The following DBH variants were observed in gnomAD, a reference collection of about 807,000 sequenced individuals.
DBH encodes the protein dopamine beta-hydroxylase.
DBH carries 49 observed loss-of-function variants against 64.0 expected under a neutral mutation model. That is an observed-to-expected ratio of 0.77 (90% CI 0.61 to 0.97). The LOEUF is 0.97. Among genes scored for constraint, DBH ranks in the 50% least tolerant of loss-of-function variants. The pLI is 0.00. For missense variants in DBH, 828 were observed against 826.6 expected (o/e 1.00, Z -0.02); for synonymous variants, 343 against 347.1 (o/e 0.99, Z 0.13).
rs1832340920 is a variant in DBH at position 133,657,424 on chromosome 9, G to GA, written c.1722+195_1722+196insA. The GA allele has an allele frequency of 6.4e-5, 29 of 454,428 alleles. 1 individual carries two copies. Among genetic ancestry groups the GA allele is most frequent in the Non-Finnish European group, 1.0e-4 (26 of 254,816 alleles). The allele number at this position is 454,428 out of a possible 1,614,324, so 28.1% of individuals were successfully genotyped here. A position where few individuals can be genotyped will look rare whatever the true frequency, so the allele number is the denominator to read the frequency against. On this transcript the variant is annotated intron_variant, in intron 11 of 11. Transcript: ENST00000393056. ...AGAGAGAGAGGAGAGAGGAGAGAGAGGAGAGAGAGGAGAGAGAGGAGAGAG... is the reference window on the plus strand; with the variant it reads ...AGAGAGAGAGGAGAGAGGAGAGAGAGAGAGAGAGAGGAGAGAGAGGAGAGAG...
chr9:133,641,182 T>C (rs568109363), intron 2 of DBH, among the ~76,000 whole-genome samples: 1 of 152,238 alleles, frequency 6.6e-6, no homozygotes, highest in African/African-American at 2.4e-5. Flanking sequence ...AATAGACAAA[T>C]ACGGAATCTA....
chr9:133,636,543 T>C lies in DBH; in HGVS notation c.172T>C (p.Ser58Pro). The C allele has an allele frequency of 6.2e-7, 1 of 1,613,428 alleles. No individual in the cohort carries two copies. Among genetic ancestry groups the C allele is most frequent in the South Asian group, 1.1e-5 (1 of 91,060 alleles). Residue 58 changes from serine (S) to proline (P), a missense_variant, in exon 1 of 12, where the codon TCC becomes CCC. Ser to Pro is a moderately conservative substitution (Grantham distance 74, BLOSUM62 -1). Transcript: ENST00000393056. ...TCACATCCCCCTGGACCCGGAGGGGTCCCTGGAGCTCTCATGGAATGTCAG... is the reference window on the plus strand; with the variant it reads ...TCACATCCCCCTGGACCCGGAGGGGCCCCTGGAGCTCTCATGGAATGTCAG... Reference protein sequence around the residue: ...PYHIPLDPEGSLELSWNVSYT... With the variant: ...PYHIPLDPEGPLELSWNVSYT...
intron 6 of DBH, among the ~76,000 whole-genome samples, chr9:133,649,267 T>C (rs1238199121): frequency 6.6e-6 from 1 of 152,210 alleles, no homozygotes; most frequent in Non-Finnish European, 1.5e-5. Flanking sequence ...ATGGATGTTA[T>C]TTCATAGTTT....
chr9:133,653,341 G>A (rs1348004851), intron 9 of DBH, among the ~76,000 whole-genome samples: 3 of 152,306 alleles, frequency 2.0e-5, no homozygotes, highest in Admixed American at 6.5e-5. Context: ...GGTGTGGGGA[G>A]AAGCTGTAGG....
At chr9:133,652,738 G>A (rs887642496) in intron 8 of DBH, among the ~76,000 whole-genome samples, 8 of 152,132 alleles carry the variant, frequency 5.3e-5, no homozygotes, top group African/African-American at 1.9e-4. Flanking sequence ...GGTCACAGGA[G>A]CTGATGGTTT....
At chr9:133,637,599 G>T (rs1490235586) in intron 1 of DBH, among the ~76,000 whole-genome samples, 1 of 152,230 alleles carries the variant, frequency 6.6e-6, no homozygotes, top group Non-Finnish European at 1.5e-5. Flanking sequence ...GAGCTGGAGC[G>T]GGGGAGCTGT....
At chr9:133,651,556 C>A in intron 6 of DBH, 78 bp from the exon 7 acceptor site, 1 of 1,585,996 alleles carries the variant, frequency 6.3e-7, no homozygotes, top group Non-Finnish European at 8.6e-7. Context: ...GGTGGCTGCT[C>A]CCTACCGGGT....
rs1033059045 is a variant in DBH at position 133,656,932 on chromosome 9, G to A, written c.1563-138G>A. 10 of 1,059,240 alleles carry A rather than the reference G, an allele frequency of 9.4e-6. No individual in the cohort carries two copies. The African/African-American group carries it at 1.1e-4, about 12-fold the overall frequency. The allele number at this position is 1,059,240 out of a possible 1,614,324, so 65.6% of individuals were successfully genotyped here. A position where few individuals can be genotyped will look rare whatever the true frequency, so the allele number is the denominator to read the frequency against. ...GCAGCATCTGGGGTGGCCTGGCGGA[G>A]GCAGCGGGGCTGGGGAGGAGGTGGC... On this transcript the variant is annotated intron_variant, in intron 10 of 11. Coordinates refer to ENST00000393056, the MANE Select transcript of DBH (RefSeq NM_000787.4).
rs370334240 is a variant in DBH at position 133,653,037 on chromosome 9, C to T, written c.1434+38C>T. ...CGCTTCCCCCTGCACCTGCCCAGGG[C>T]GAGTGTTCAGCCTGAGCCATCTGAG... On this transcript the variant is annotated intron_variant, in intron 9 of 11. Transcript: ENST00000393056. 2,342 of 1,522,072 alleles carry T rather than the reference C, an allele frequency of 1.5e-3. 4 individuals are homozygous for T. Among genetic ancestry groups the T allele is most frequent in the Non-Finnish European group, 1.7e-3 (1,862 of 1,096,424 alleles). 94.3% of individuals were successfully genotyped at this position (1,522,072 alleles called of 1,614,324 possible). A position where few individuals can be genotyped will look rare whatever the true frequency, so the allele number is the denominator to read the frequency against.
At chr9:133,649,476 G>A (rs73559944) in intron 6 of DBH, among the ~76,000 whole-genome samples, 1,721 of 152,330 alleles carry the variant, frequency 0.011, 30 homozygotes, top group African/African-American at 0.038. Flanking sequence ...AGCAGATTTC[G>A]TTGTAATGAG....
intron 11 of DBH, among the ~76,000 whole-genome samples, chr9:133,657,469 AGAGG>A (rs1437694025): frequency 4.2e-5 from 6 of 142,374 alleles, no homozygotes; most frequent in Non-Finnish European, 9.2e-5. Flanking sequence ...GGAGAGGGAG[AGAGG>A]GAGAGGGAGA....
chr9:133,652,571 G>C (rs1832264202), intron 8 of DBH, among the ~76,000 whole-genome samples: 1 of 152,118 alleles, frequency 6.6e-6, no homozygotes, highest in South Asian at 2.1e-4. Context: ...AGAGTGTTTG[G>C]GGGAGATGAG....
At chr9:133,653,807 C>T (rs986471904) in intron 9 of DBH, among the ~76,000 whole-genome samples, 6 of 152,228 alleles carry the variant, frequency 3.9e-5, no homozygotes, top group African/African-American at 1.2e-4. Context: ...GGGGCTGCTT[C>T]CGGGAGCCAA....
Position 133,636,709 on chromosome 9 carries a change from C to T in DBH, c.338C>T (p.Ala113Val), listed in dbSNP as rs377299166. ...ACCGATGGGGACACTGCCTATTTTG[C>T]GGTGAGTCTCTCCTCCCTGCCAGCT... The part of the protein sequence containing the change: ...LWTDGDTAYF[A>V]DAWSDQKGQI... Residue 113 changes from alanine (A) to valine (V), a missense_variant and splice_region_variant, in exon 1 of 12, where the codon GCG (alanine) becomes GTG (valine). Transcript: ENST00000393056. The T allele has an allele frequency of 4.9e-5, 78 of 1,600,740 alleles. No individual in the cohort carries two copies. The highest frequency in any genetic ancestry group is 4.2e-5 in the Non-Finnish European group (49 of 1,179,718).
chr9:133,640,391 C>T (rs933934894), intron 2 of DBH, among the ~76,000 whole-genome samples: 10 of 151,872 alleles, frequency 6.6e-5, no homozygotes, highest in South Asian at 2.1e-4. Context: ...GTTGCCAGCT[C>T]GCTGTGAGGC....
rs533126251 is a variant in DBH, at chr9:133,658,841, C to T, written c.*394C>T. On this transcript the variant is annotated 3_prime_UTR_variant, in exon 12 of 12. Transcript: ENST00000393056. The stretch of plus-strand genomic sequence containing the variant: ...GGGTGTGGAATCACCGGGAACGCCC[C>T]CGCCCCCGCCCCGCTGCTCCCGGTG... The T allele has an allele frequency of 1.5e-3, 231 of 158,690 alleles. No individual in the cohort carries two copies. The highest frequency in any genetic ancestry group is 2.1e-3 in the Non-Finnish European group (153 of 72,572). The allele number at this position is 158,690 out of a possible 1,614,324, so 9.8% of individuals were successfully genotyped here.
intron 1 of DBH, among the ~76,000 whole-genome samples, chr9:133,637,199 G>A (rs3025382): frequency 0.15 from 23,158 of 152,242 alleles, 2,218 homozygotes; most frequent in African/African-American, 0.27. Context: ...GCTTGTACCC[G>A]TGGACCAACT....
chr9:133,643,277 C>A lies in DBH; in HGVS notation c.745-136C>A, dbSNP rs375773956. On this transcript the variant is annotated intron_variant, in intron 3 of 11. Coordinates refer to ENST00000393056, the MANE Select transcript of DBH (RefSeq NM_000787.4). This position sits in a 1 kb window ranked among gnomAD's most constrained non-coding sequence, Gnocchi z 5.3. ...GGCTCCACCCTCAAGGCTGTGAACC[C>A]CAGAAGTGCCCCTGAAATTGTCTGG... 7.7e-6 allele frequency: 7 copies of A among 914,954 alleles called. No individual in the cohort carries two copies. Among genetic ancestry groups the A allele is most frequent in the East Asian group, 5.3e-5 (2 of 38,012 alleles). 56.7% of individuals were successfully genotyped at this position (914,954 alleles called of 1,614,324 possible).
At chr9:133,657,863 A>G (rs10993949) in intron 11 of DBH, among the ~76,000 whole-genome samples, 7,153 of 152,294 alleles carry the variant, frequency 0.047, 310 homozygotes, top group South Asian at 0.18. Context: ...TTTGGGAGCC[A>G]GATTAACTGC....
Sources: allele counts gnomAD v4.1 joint callset (sites outside exome capture counted in the v4.1 genomes callset), GRCh38; gene constraint gnomAD v4.1.1; non-coding constraint Gnocchi (gnomAD v3.1); transcripts MANE v1.5; gene names NCBI Gene and HGNC (gene_info 2026-07-23, HGNC 2026-07-21).